The following CCDC171 variants were observed in gnomAD, a reference collection of about 807,000 sequenced individuals.
The protein encoded by CCDC171 is coiled-coil domain containing 171.
CCDC171 carries 177 observed loss-of-function variants against 168.2 expected under a neutral mutation model. That is an observed-to-expected ratio of 1.05 (90% CI 0.93 to 1.19). CCDC171 has a LOEUF of 1.19. Among genes scored for constraint, CCDC171 ranks in the 50% most tolerant of loss-of-function variants. CCDC171 has a pLI of 0.00. For missense variants in CCDC171, 1,991 were observed against 1,539.0 expected (o/e 1.29, Z -4.91); for synonymous variants, 687 against 540.8 (o/e 1.27, Z -3.75).
chr9:15,624,011 C>A (rs1366376908), intron 7 of CCDC171, among the ~76,000 whole-genome samples: 1 of 152,044 alleles, frequency 6.6e-6, no homozygotes, highest in African/African-American at 2.4e-5. Context: ...AATATTTAAA[C>A]AGATAAAGAA....
At chr9:15,694,627 C>A (rs920978694) in intron 10 of CCDC171, among the ~76,000 whole-genome samples, 13 of 152,178 alleles carry the variant, frequency 8.5e-5, no homozygotes, top group African/African-American at 3.1e-4. Context: ...CTGCGTACTT[C>A]CCTTATCCTC....
At chr9:15,849,335 A>G (rs985143143) in intron 23 of CCDC171, among the ~76,000 whole-genome samples, 2 of 151,012 alleles carry the variant, frequency 1.3e-5, no homozygotes, top group Non-Finnish European at 3.0e-5. Flanking sequence ...ATATAGAGAA[A>G]TATATATTTT....
At chr9:15,659,158 A>T (rs990435005) in intron 8 of CCDC171, among the ~76,000 whole-genome samples, 6 of 152,182 alleles carry the variant, frequency 3.9e-5, no homozygotes, top group African/African-American at 1.4e-4. Context: ...AGTTACCTGA[A>T]CAATGTACAT....
At chr9:16,061,089 G>A (rs146618466) in exon 2 of CCDC171, 1 of 152,302 alleles carries the variant, frequency 6.6e-6, no homozygotes, top group Non-Finnish European at 1.5e-5. Context: ...GAAAGGGGTG[G>A]ACTATGAGAT....
At position 15,657,375 on chromosome 9, in the gene CCDC171, T is replaced by G. The variant is rs1048630786; in HGVS notation, c.915+156T>G. On this transcript the variant is annotated intron_variant, in intron 8 of 25. Transcript: ENST00000380701. ...ATTGTATATAAGGTTAGGATACAGT[T>G]GAGATATGCTACCTTAGTGGAGGAG... The G allele has an allele frequency of 3.1e-5, 15 of 489,996 alleles. No homozygotes were observed. In the East Asian group the frequency reaches 3.9e-4, roughly 13 times the overall value. 30.4% of individuals were successfully genotyped at this position (489,996 alleles called of 1,614,324 possible).
At chr9:15,733,391 A>G (rs2054275579) in intron 16 of CCDC171, among the ~76,000 whole-genome samples, 1 of 149,468 alleles carries the variant, frequency 6.7e-6, no homozygotes, top group Admixed American at 6.7e-5. Context: ...TTTTCCCTAT[A>G]TGTTTTATAG....
chr9:15,638,013 T>C (rs955238533), intron 7 of CCDC171, among the ~76,000 whole-genome samples: 7 of 152,214 alleles, frequency 4.6e-5, no homozygotes, highest in African/African-American at 1.7e-4. Flanking sequence ...TCAAATGGTA[T>C]TTCTAGTTCT....
chr9:15,823,787 AT>A (rs1208521790), intron 21 of CCDC171, among the ~76,000 whole-genome samples: 2 of 152,142 alleles, frequency 1.3e-5, no homozygotes, highest in Admixed American at 6.6e-5. Context: ...ATTGAAAAAA[AT>A]AAAATGCTTT....
chr9:15,859,720 C>T (rs999174902), intron 23 of CCDC171, among the ~76,000 whole-genome samples: 1 of 150,972 alleles, frequency 6.6e-6, no homozygotes, highest in Non-Finnish European at 1.5e-5. Flanking sequence ...GGTGCAGTGG[C>T]ATACTCATAG....
intron 25 of CCDC171, among the ~76,000 whole-genome samples, chr9:15,955,412 G>A (rs1413184632): frequency 6.6e-6 from 1 of 152,136 alleles, no homozygotes; most frequent in Non-Finnish European, 1.5e-5. Context: ...TGGTACCTCT[G>A]TGATAAGAAG....
At chr9:15,597,247 GT>G (rs1243592567) in intron 6 of CCDC171, among the ~76,000 whole-genome samples, 2 of 152,074 alleles carry the variant, frequency 1.3e-5, no homozygotes, top group African/African-American at 4.8e-5. Flanking sequence ...AATGCTTCCA[GT>G]TTTTGCCCAT....
chr9:15,944,814 G>A (rs1828116796), intron 25 of CCDC171, among the ~76,000 whole-genome samples: 1 of 113,164 alleles, frequency 8.8e-6, no homozygotes, highest in Admixed American at 1.0e-4. Flanking sequence ...TGGTAGTTGG[G>A]TTAGAATTCT....
rs188588917 is a variant in CCDC171, at chr9:16,013,462, G to A, written n.369-7127G>A. ...CTAAGGCCTACCTTTGCAATCTGAC[G>A]TTCAAAGGTTCAACCCACTTCTCTT... On this transcript the variant is annotated intron_variant and non_coding_transcript_variant, in intron 3 of 9. Transcript: ENST00000486641. 2.6e-5 allele frequency among the ~76,000 whole-genome samples: 4 copies of A among 152,260 alleles called. No individual in the cohort carries two copies. In the East Asian group the frequency reaches 5.8e-4, roughly 22 times the overall value.
chr9:15,982,978 C>T (rs1831852086), intron 3 of CCDC171, among the ~76,000 whole-genome samples: 1 of 152,130 alleles, frequency 6.6e-6, no homozygotes, highest in Non-Finnish European at 1.5e-5. Context: ...CATCCATTCT[C>T]TCTTAAAGGT....
rs144575831 is a variant in CCDC171, at chr9:15,718,248, G to C, written c.1319-3521G>C. ...GGTGGCCAGGGGGAGAGACTCCTCT[G>C]CTATGGAAATGGGAGGGAAGAGTGG... On this transcript the variant is annotated intron_variant, in intron 11 of 25. Coordinates refer to ENST00000380701, the MANE Select transcript of CCDC171 (RefSeq NM_173550.4). Among the ~76,000 whole-genome samples, 331 of 152,284 alleles carry C rather than the reference G, an allele frequency of 2.2e-3. 1 individual carries two copies. Among genetic ancestry groups the C allele is most frequent in the African/African-American group, 7.1e-3 (294 of 41,564 alleles).
rs80223710 is a variant in CCDC171, at chr9:16,037,161, C to G, written n.1181+955C>G. 8.7e-3 allele frequency among the ~76,000 whole-genome samples: 1,327 copies of G among 152,220 alleles called. 23 individuals are homozygous for G. The highest frequency in any genetic ancestry group is 0.031 in the African/African-American group (1,274 of 41,534). On this transcript the variant is annotated intron_variant and non_coding_transcript_variant, in intron 8 of 9. Coordinates refer to the CCDC171 transcript ENST00000486641. ...GAGAGGATTTTGAATGTTCTCAACA[C>G]AGAGAAATGATGTGTTTGAGGTGAT...
At chr9:15,640,027 A>T (rs7032755) in intron 7 of CCDC171, among the ~76,000 whole-genome samples, 1 of 151,412 alleles carries the variant, frequency 6.6e-6, no homozygotes, top group African/African-American at 2.4e-5. Flanking sequence ...TCTGGCATAT[A>T]GTAGGTACTC....
At chr9:15,987,274 C>T (rs1175183869) in intron 3 of CCDC171, among the ~76,000 whole-genome samples, 3 of 151,882 alleles carry the variant, frequency 2.0e-5, no homozygotes, top group African/African-American at 7.3e-5. Flanking sequence ...TAAAGAACTC[C>T]TAAAAATTGG....
chr9:15,616,594 G>A (rs1180346009), intron 6 of CCDC171, among the ~76,000 whole-genome samples: 1 of 152,026 alleles, frequency 6.6e-6, no homozygotes, highest in African/African-American at 2.4e-5. Flanking sequence ...CTTTAAAGTA[G>A]ACAAGTATGT....
Sources: gnomAD v4.1 joint callset for allele counts (sites outside exome capture counted in the v4.1 genomes callset) on GRCh38, gnomAD v4.1.1 for gene constraint, MANE v1.5 for transcripts, NCBI Gene and HGNC (gene_info 2026-07-23, HGNC 2026-07-21) for gene names.